HIVEP3: variants seen among roughly 807,000 people sequenced by gnomAD.
The protein encoded by HIVEP3 is HIVEP zinc finger 3, also known as transcription factor HIVEP3.
HIVEP3 carries 49 observed loss-of-function variants against 152.8 expected under a neutral mutation model. That is an observed-to-expected ratio of 0.32 (90% confidence interval 0.26 to 0.41). The LOEUF (loss-of-function observed/expected upper bound fraction) is 0.41. Ranked by LOEUF, HIVEP3 falls within the 10% of genes least tolerant of loss-of-function variation. The probability of loss-of-function intolerance (pLI) is 1.00; values close to 1 mark genes in which losing one functional copy is unlikely to be tolerated. For synonymous variants in HIVEP3, 1,269 were observed against 1,289.0 expected, an observed-to-expected ratio of 0.98 and a Z score of 0.33; for missense variants, 2,790 against 3,103.3, an observed-to-expected ratio of 0.90 and a Z score of 2.40.
At position 41,897,938 on chromosome 1, in the gene HIVEP3, G is replaced by GGAGAGAGAGAGA. The variant is rs71065103; in HGVS notation, c.-801+20463_-801+20474dup. ...GTAGAAGGAAAGACCTGAGAGAGAG[G>GGAGAGAGAGAGA]GAGAGAGAGAGAGAGAGAGAGAGAG... On this transcript the variant is annotated intron_variant, in intron 1 of 8. Coordinates refer to ENST00000372583, the MANE Select transcript of HIVEP3 (RefSeq NM_024503.5). Among the ~76,000 whole-genome samples the GGAGAGAGAGAGA allele has an allele frequency of 2.6e-4, 34 of 130,074 alleles. 1 individual carries two copies. The highest frequency in any genetic ancestry group is 4.2e-4 in the Non-Finnish European group (26 of 61,944). The allele number at this position is 130,074 out of a possible 152,430, so 85.3% of individuals were successfully genotyped here.
chr1:41,803,796 T>C (rs933649964), intron 1 of HIVEP3, among the ~76,000 whole-genome samples: 1 of 152,204 alleles, frequency 6.6e-6, no homozygotes, highest in African/African-American at 2.4e-5. Flanking sequence ...CAAACTCCCC[T>C]TGTTGAGGGA....
intron 7 of HIVEP3, among the ~76,000 whole-genome samples, chr1:41,514,288 G>A (rs1014456901): frequency 6.6e-6 from 1 of 152,156 alleles, no homozygotes; most frequent in Non-Finnish European, 1.5e-5. Flanking sequence ...GGTTTTCTAG[G>A]AGGACTAAAA....
chr1:42,000,813 G>GC (rs1645422864), intron 1 of HIVEP3, among the ~76,000 whole-genome samples: 1 of 152,118 alleles, frequency 6.6e-6, no homozygotes, highest in East Asian at 1.9e-4. Context: ...GCAACCAATC[G>GC]CTCCCCAGCT....
At chr1:42,016,421 G>T (rs1456956430) in intron 1 of HIVEP3, among the ~76,000 whole-genome samples, 1 of 151,936 alleles carries the variant, frequency 6.6e-6, no homozygotes, top group Non-Finnish European at 1.5e-5. Flanking sequence ...GCATCTTCTG[G>T]TTATTAAATC....
chr1:41,964,427 A>G (rs1048090621), intron 1 of HIVEP3, among the ~76,000 whole-genome samples: 5 of 152,184 alleles, frequency 3.3e-5, no homozygotes, highest in Non-Finnish European at 7.4e-5. Flanking sequence ...AGATCCCCTC[A>G]TGAGCCCACA....
At chr1:41,821,738 G>A (rs765048192) in intron 1 of HIVEP3, among the ~76,000 whole-genome samples, 1 of 152,204 alleles carries the variant, frequency 6.6e-6, no homozygotes, top group Non-Finnish European at 1.5e-5. Flanking sequence ...ATGGGTAATG[G>A]GTATTCATCA....
chr1:41,801,339 G>C (rs905755010), intron 1 of HIVEP3, among the ~76,000 whole-genome samples: 6 of 152,076 alleles, frequency 3.9e-5, no homozygotes, highest in Non-Finnish European at 7.4e-5. Context: ...GGTTCCTCAA[G>C]GCCATGCCAC....
chr1:41,660,362 T>A (rs1645694590), intron 2 of HIVEP3, among the ~76,000 whole-genome samples: 1 of 152,242 alleles, frequency 6.6e-6, no homozygotes, highest in Non-Finnish European at 1.5e-5. Flanking sequence ...TTATGTTTTT[T>A]AAACACATTC....
intron 3 of HIVEP3, among the ~76,000 whole-genome samples, chr1:41,612,377 A>G (rs947916699): frequency 5.3e-5 from 8 of 152,278 alleles, no homozygotes; most frequent in Middle Eastern, 3.4e-3. Context: ...CCCTGTAGCC[A>G]CTGTCTCATT....
chr1:41,709,068 C>A lies in HIVEP3; in HGVS notation c.-800-8073G>T, dbSNP rs530208112. On this transcript the variant is annotated intron_variant, in intron 1 of 8. Coordinates refer to ENST00000372583, the MANE Select transcript of HIVEP3 (RefSeq NM_024503.5). ...ATCTGGGGAAGATGTTCCTCTTCTG[C>A]ACCCCCTACCACCACATGGCATATG... 2.6e-5 allele frequency among the ~76,000 whole-genome samples: 4 copies of A among 152,196 alleles called. No individual in the cohort carries two copies. In the South Asian group the frequency reaches 6.2e-4, roughly 24 times the overall value.
chr1:41,797,038 G>A (rs889947052), intron 1 of HIVEP3, among the ~76,000 whole-genome samples: 4 of 152,150 alleles, frequency 2.6e-5, no homozygotes, highest in African/African-American at 4.8e-5. Context: ...GGCAAAAAAA[G>A]TCCCTGTCAA....
chr1:41,757,091 A>AATTATT (rs147789740), intron 1 of HIVEP3, among the ~76,000 whole-genome samples: 30,695 of 136,238 alleles, frequency 0.23, 3,612 homozygotes, highest in East Asian at 0.33. Context: ...GTCTCTAAAA[A>AATTATT]ATTATTATTA....
At chr1:41,700,082 T>C (rs981609038) in intron 2 of HIVEP3, among the ~76,000 whole-genome samples, 1 of 152,154 alleles carries the variant, frequency 6.6e-6, no homozygotes, top group African/African-American at 2.4e-5. Flanking sequence ...CAACTTTAAA[T>C]TGTCTTCCTT....
intron 1 of HIVEP3, among the ~76,000 whole-genome samples, chr1:41,952,340 T>C (rs1007195422): frequency 6.6e-6 from 1 of 152,218 alleles, no homozygotes; most frequent in African/African-American, 2.4e-5. Flanking sequence ...CGCTGCACCA[T>C]TATGTGATTC....
intron 1 of HIVEP3, among the ~76,000 whole-genome samples, chr1:41,953,020 C>A (rs1645118930): frequency 6.6e-6 from 1 of 152,154 alleles, no homozygotes; most frequent in Non-Finnish European, 1.5e-5. Context: ...TAGTCCCCTG[C>A]CTGTCCCCAA....
intron 1 of HIVEP3, among the ~76,000 whole-genome samples, chr1:41,874,806 G>C (rs1013227745): frequency 2.0e-5 from 3 of 152,180 alleles, no homozygotes; most frequent in Non-Finnish European, 2.9e-5. Context: ...CGGTCTCCAA[G>C]TGCCAGTCCC....
intron 5 of HIVEP3, among the ~76,000 whole-genome samples, chr1:41,560,255 G>A (rs566582460): frequency 6.6e-6 from 1 of 152,308 alleles, no homozygotes; most frequent in East Asian, 1.9e-4. Flanking sequence ...TGAGAAGACT[G>A]AGCCAGAGAG....
intron 5 of HIVEP3, among the ~76,000 whole-genome samples, chr1:41,527,299 A>ACT (rs139932429): frequency 4.5e-4 from 34 of 74,754 alleles, no homozygotes; most frequent in Non-Finnish European, 5.4e-4. Context: ...ACACCCTCAC[A>ACT]CCCTCACACT....
At chr1:41,981,291 T>C (rs1028713141) in intron 1 of HIVEP3, among the ~76,000 whole-genome samples, 23 of 152,276 alleles carry the variant, frequency 1.5e-4, no homozygotes, top group Admixed American at 2.6e-4. Context: ...AATAGCCCTA[T>C]AGGAACCTTG....
Sources: allele counts gnomAD v4.1 joint callset (sites outside exome capture counted in the v4.1 genomes callset), GRCh38; gene constraint gnomAD v4.1.1; transcripts MANE v1.5; gene names NCBI Gene and HGNC (gene_info 2026-07-23, HGNC 2026-07-21).